NRXN3: variants seen among roughly 807,000 people sequenced by gnomAD.
NRXN3 encodes the protein neurexin 3, also known as neurexin III.
Under a neutral mutation model 137.6 loss-of-function variants are expected in NRXN3, and 32 were observed. That is an observed-to-expected ratio of 0.23 (90% confidence interval 0.18 to 0.31). NRXN3 has a LOEUF of 0.31. NRXN3 is among the 10% of genes least tolerant of loss of function. The pLI is 1.00. For missense variants in NRXN3, 1,574 were observed against 2,062.5 expected, an observed-to-expected ratio of 0.76 and a Z score of 4.59; for synonymous variants, 798 against 784.5, an observed-to-expected ratio of 1.02 and a Z score of -0.29.
At chr14:79,554,522 G>C (rs1457493841) in intron 16 of NRXN3, among the ~76,000 whole-genome samples, 1 of 152,144 alleles carries the variant, frequency 6.6e-6, no homozygotes, top group East Asian at 1.9e-4. Flanking sequence ...CCAGACTATA[G>C]AGTCAGGTTA....
chr14:79,744,090 A>C (rs1456925492), intron 19 of NRXN3, among the ~76,000 whole-genome samples: 6 of 152,152 alleles, frequency 3.9e-5, no homozygotes, highest in African/African-American at 1.4e-4. Context: ...TAGATTGGTA[A>C]ATTGAGATTA....
At chr14:79,606,236 C>G (rs917575374) in intron 16 of NRXN3, among the ~76,000 whole-genome samples, 4 of 151,878 alleles carry the variant, frequency 2.6e-5, no homozygotes, top group Admixed American at 2.6e-4. Context: ...CCATGAAGGC[C>G]AAAATAAATA....
chr14:78,307,923 T>C (rs1001316697), intron 4 of NRXN3, among the ~76,000 whole-genome samples: 3 of 152,148 alleles, frequency 2.0e-5, no homozygotes, highest in Non-Finnish European at 2.9e-5. Flanking sequence ...GTTAATTTAC[T>C]GTTGACTCTT....
chr14:79,446,573 G>C (rs1481636284), intron 15 of NRXN3, among the ~76,000 whole-genome samples: 1 of 152,074 alleles, frequency 6.6e-6, no homozygotes, highest in African/African-American at 2.4e-5. Context: ...GAATATAGCA[G>C]AAGAATTATT....
chr14:78,405,613 C>CGGCG (rs5809886), intron 4 of NRXN3, among the ~76,000 whole-genome samples: 1 of 128,772 alleles, frequency 7.8e-6, no homozygotes, highest in Non-Finnish European at 1.6e-5. Context: ...GGGGAAGGGG[C>CGGCG]GGGGGGGTTC....
intron 15 of NRXN3, among the ~76,000 whole-genome samples, chr14:79,276,179 T>G (rs763380584): frequency 2.0e-5 from 3 of 152,142 alleles, no homozygotes; most frequent in Non-Finnish European, 4.4e-5. Context: ...CTAAAAATCT[T>G]TAAAAATGTA....
intron 16 of NRXN3, among the ~76,000 whole-genome samples, chr14:79,530,599 T>G (rs1377835514): frequency 1.3e-5 from 2 of 151,566 alleles, no homozygotes; most frequent in Non-Finnish European, 2.9e-5. Flanking sequence ...TTTTGTTTTT[T>G]TTTTTTCCTT....
intron 15 of NRXN3, among the ~76,000 whole-genome samples, chr14:79,233,039 G>A (rs1164282776): frequency 1.3e-5 from 2 of 152,044 alleles, no homozygotes; most frequent in Non-Finnish European, 2.9e-5. Context: ...TTTCCTCCAG[G>A]AATCTCAAAG....
intron 4 of NRXN3, among the ~76,000 whole-genome samples, chr14:78,634,582 G>A (rs774672807): frequency 2.6e-5 from 4 of 152,128 alleles, no homozygotes; most frequent in Non-Finnish European, 5.9e-5. Flanking sequence ...CTATAGTAGA[G>A]GATATTGCAA....
intron 4 of NRXN3, among the ~76,000 whole-genome samples, chr14:78,456,536 T>C (rs2094706336): frequency 1.3e-5 from 2 of 152,238 alleles, no homozygotes; most frequent in African/African-American, 4.8e-5. Flanking sequence ...CGTACTATGC[T>C]GTCTTCATGT....
chr14:79,442,325 ACTAAG>A, intron 15 of NRXN3, among the ~76,000 whole-genome samples: 1 of 152,304 alleles, frequency 6.6e-6, no homozygotes, highest in East Asian at 1.9e-4. Flanking sequence ...GAGAGACAAA[ACTAAG>A]CTAAGATTCT....
At chr14:79,603,439 C>T (rs1169195620) in intron 16 of NRXN3, among the ~76,000 whole-genome samples, 2 of 152,176 alleles carry the variant, frequency 1.3e-5, no homozygotes, top group Non-Finnish European at 2.9e-5. Flanking sequence ...TATGTCGTTC[C>T]TTCTACCTCA....
intron 4 of NRXN3, among the ~76,000 whole-genome samples, chr14:78,326,625 GT>G (rs1339040657): frequency 1.3e-5 from 2 of 152,166 alleles, no homozygotes; most frequent in African/African-American, 2.4e-5. Flanking sequence ...GGAAAGAGAA[GT>G]TAACTAGGAC....
At chr14:79,108,378 A>G (rs1344642743) in intron 15 of NRXN3, among the ~76,000 whole-genome samples, 1 of 152,144 alleles carries the variant, frequency 6.6e-6, no homozygotes, top group East Asian at 1.9e-4. Flanking sequence ...TCCATCATCC[A>G]GAGTTTTGGC....
At chr14:79,542,317 C>A (rs1461312716) in intron 16 of NRXN3, among the ~76,000 whole-genome samples, 5 of 152,098 alleles carry the variant, frequency 3.3e-5, no homozygotes, top group Non-Finnish European at 4.4e-5. Context: ...AATGAGCATG[C>A]CTAAAATTCC....
At chr14:79,116,074 T>G (rs2054380449) in intron 15 of NRXN3, among the ~76,000 whole-genome samples, 1 of 152,204 alleles carries the variant, frequency 6.6e-6, no homozygotes. Context: ...ACACCTAAGC[T>G]GATACTTCCA....
chr14:78,523,643 CAAAAAAA>C lies in NRXN3; in HGVS notation c.758-121459_758-121453del, dbSNP rs3036598. 4.0e-3 allele frequency among the ~76,000 whole-genome samples: 308 copies of C among 77,716 alleles called. 2 individuals carry two copies. The highest frequency in any genetic ancestry group is 0.016 in the African/African-American group (300 of 18,670). The allele number at this position is 77,716 out of a possible 152,430, so 51.0% of individuals were successfully genotyped here. A position where few individuals can be genotyped will look rare whatever the true frequency, so the allele number is the denominator to read the frequency against. ...TGAAACCCCGTCTCTACTACAAATA[CAAAAAAA>C]AAAAAAAAAAAAAAAAATTAGCTGG... On this transcript the variant is annotated intron_variant, in intron 4 of 20. Coordinates refer to ENST00000335750, the MANE Select transcript of NRXN3 (RefSeq NM_001330195.2).
At chr14:79,141,112 G>A (rs1413709669) in intron 15 of NRXN3, among the ~76,000 whole-genome samples, 1 of 152,126 alleles carries the variant, frequency 6.6e-6, no homozygotes, top group South Asian at 2.1e-4. Flanking sequence ...TTCAAATTTA[G>A]TTGGTGCCTT....
At chr14:79,075,861 C>G (rs1252736793) in intron 15 of NRXN3, among the ~76,000 whole-genome samples, 1 of 152,142 alleles carries the variant, frequency 6.6e-6, no homozygotes, top group Non-Finnish European at 1.5e-5. Context: ...CATACCTTAA[C>G]TAGTTTTTGA....
Sources: allele counts gnomAD v4.1 joint callset (sites outside exome capture counted in the v4.1 genomes callset), GRCh38; gene constraint gnomAD v4.1.1; transcripts MANE v1.5; gene names NCBI Gene and HGNC (gene_info 2026-07-23, HGNC 2026-07-21).